The following LMX1A variants were observed in gnomAD, a reference collection of about 807,000 sequenced individuals.
The protein encoded by LMX1A is LIM homeobox transcription factor 1 alpha, also known as LIM homeobox transcription factor 1-alpha.
A neutral mutation model predicts 49.1 loss-of-function variants in LMX1A; 15 were observed. The observed-to-expected ratio is 0.31, with a 90% CI of 0.20 to 0.47. The LOEUF (loss-of-function observed/expected upper bound fraction) is 0.47. Ranked by LOEUF, LMX1A falls within the 20% of genes least tolerant of loss-of-function variation. The pLI, the probability that LMX1A is intolerant of heterozygous loss-of-function variation, is 1.00. For missense variants in LMX1A, 372 were observed against 475.8 expected, an observed-to-expected ratio of 0.78 and a Z score of 2.03; for synonymous variants, 167 against 185.7, an observed-to-expected ratio of 0.90 and a Z score of 0.82.
chr1:165,216,822 G>T (rs183360675), intron 4 of LMX1A, among the ~76,000 whole-genome samples: 1 of 152,100 alleles, frequency 6.6e-6, no homozygotes, highest in Admixed American at 6.5e-5. Flanking sequence ...GGCCTTTAGC[G>T]TTATATAAAT....
intron 3 of LMX1A, among the ~76,000 whole-genome samples, chr1:165,308,645 C>T (rs1217566088): frequency 6.6e-6 from 1 of 152,190 alleles, no homozygotes; most frequent in African/African-American, 2.4e-5. Context: ...ACTTTACAGG[C>T]AAGAAAATTG....
At chr1:165,260,229 G>A (rs1258078497) in intron 3 of LMX1A, among the ~76,000 whole-genome samples, 1 of 152,118 alleles carries the variant, frequency 6.6e-6, no homozygotes, top group African/African-American at 2.4e-5. Context: ...GGTATTTTTA[G>A]CTGATATTCT....
rs548375812 is a variant in LMX1A at position 165,349,739 on chromosome 1, C to G, written c.263+3337G>C. ...AGTTGTGTGTGCAAGACGTCACTGT[C>G]AATTCTATTTTTTTAATTAGAAAAA... is the stretch of plus-strand genomic sequence containing the variant. On this transcript the variant is annotated intron_variant, in intron 3 of 8. Coordinates refer to ENST00000342310, the MANE Select transcript of LMX1A (RefSeq NM_177398.4). Among the ~76,000 whole-genome samples, 65 of 152,228 alleles carry G rather than the reference C, an allele frequency of 4.3e-4. 1 individual carries two copies. The South Asian group carries it at 0.013, about 31-fold the overall frequency.
chr1:165,222,381 A>G (rs1265919393), intron 4 of LMX1A, among the ~76,000 whole-genome samples: 1 of 152,232 alleles, frequency 6.6e-6, no homozygotes, highest in Non-Finnish European at 1.5e-5. Context: ...CAAATGAATA[A>G]GGTTTGAGTG....
chr1:165,213,904 T>G (rs1651534573), intron 4 of LMX1A, 91 bp from the exon 5 acceptor site: 1 of 1,128,430 alleles, frequency 8.9e-7, no homozygotes, highest in Non-Finnish European at 1.3e-6. Context: ...AGGTCCACAT[T>G]TCCAGGATGG....
chr1:165,300,465 C>T (rs1466275382), intron 3 of LMX1A, among the ~76,000 whole-genome samples: 1 of 152,194 alleles, frequency 6.6e-6, no homozygotes, highest in Non-Finnish European at 1.5e-5. Context: ...TTTTCTTTCT[C>T]CCAAGCCTCC....
chr1:165,247,454 C>T (rs1360004353), intron 4 of LMX1A, among the ~76,000 whole-genome samples: 2 of 152,082 alleles, frequency 1.3e-5, no homozygotes, highest in South Asian at 2.1e-4. Flanking sequence ...TTAGAATGGG[C>T]CCAACTACCC....
At chr1:165,260,980 C>T (rs1214051227) in intron 3 of LMX1A, among the ~76,000 whole-genome samples, 1 of 152,154 alleles carries the variant, frequency 6.6e-6, no homozygotes, top group Non-Finnish European at 1.5e-5. Context: ...GGGTCAAATT[C>T]TGTGATCTTA....
At chr1:165,244,958 G>T (rs1652790587) in intron 4 of LMX1A, among the ~76,000 whole-genome samples, 3 of 152,004 alleles carry the variant, frequency 2.0e-5, no homozygotes, top group Non-Finnish European at 2.9e-5. Flanking sequence ...GGACAAAAAG[G>T]CTGGGTCACA....
chr1:165,271,500 A>AAC (rs761526126), intron 3 of LMX1A, among the ~76,000 whole-genome samples: 7 of 152,182 alleles, frequency 4.6e-5, no homozygotes, highest in Non-Finnish European at 7.4e-5. Context: ...CTAAACTCAT[A>AAC]TAGTTCACCT....
intron 3 of LMX1A, among the ~76,000 whole-genome samples, chr1:165,333,952 G>T (rs1469613446): frequency 6.6e-6 from 1 of 152,186 alleles, no homozygotes; most frequent in Admixed American, 6.5e-5. Flanking sequence ...CCTTTGCATA[G>T]AATGTCTCAT....
intron 3 of LMX1A, among the ~76,000 whole-genome samples, chr1:165,320,956 A>G (rs943269788): frequency 2.0e-5 from 3 of 152,214 alleles, no homozygotes; most frequent in Admixed American, 2.0e-4. Flanking sequence ...TTATAGTAGC[A>G]TTACTCATAG....
At chr1:165,315,783 A>G (rs1655203026) in intron 3 of LMX1A, among the ~76,000 whole-genome samples, 1 of 152,210 alleles carries the variant, frequency 6.6e-6, no homozygotes, top group African/African-American at 2.4e-5. Flanking sequence ...TGACGCATCA[A>G]ATACCTCTGC....
At chr1:165,276,285 CCTTGTCTG>C (rs1190078986) in intron 3 of LMX1A, among the ~76,000 whole-genome samples, 5 of 152,204 alleles carry the variant, frequency 3.3e-5, no homozygotes, top group Non-Finnish European at 7.3e-5. Flanking sequence ...ACAAGCTCCT[CCTTGTCTG>C]ATACTGAGAG....
rs559888585 is a variant in LMX1A, at chr1:165,203,592, A to G, written c.*288T>C. The G allele has an allele frequency of 1.7e-5, 4 of 242,354 alleles. No homozygotes were observed. The South Asian group carries it at 2.9e-4, about 18-fold the overall frequency. 15.0% of individuals were successfully genotyped at this position (242,354 alleles called of 1,614,324 possible). ...GGGAAGTTGTTAGGAGTCCCTAAGTATCTAGTTTGCATGAGAATGTCTATA... is the reference window on the plus strand; with the variant it reads ...GGGAAGTTGTTAGGAGTCCCTAAGTGTCTAGTTTGCATGAGAATGTCTATA... On this transcript the variant is annotated 3_prime_UTR_variant, in exon 9 of 9. Coordinates refer to ENST00000342310, the MANE Select transcript of LMX1A (RefSeq NM_177398.4).
chr1:165,237,951 C>T (rs1652515902), intron 4 of LMX1A, among the ~76,000 whole-genome samples: 1 of 152,154 alleles, frequency 6.6e-6, no homozygotes, highest in African/African-American at 2.4e-5. Context: ...CCTTATTACA[C>T]AATAGAAAGT....
intron 4 of LMX1A, among the ~76,000 whole-genome samples, chr1:165,214,137 T>C (rs950064896): frequency 1.3e-5 from 2 of 152,156 alleles, no homozygotes; most frequent in African/African-American, 4.8e-5. Context: ...TCTCCACGTG[T>C]TGATGGAGGG....
chr1:165,299,571 C>A (rs943229561), intron 3 of LMX1A, among the ~76,000 whole-genome samples: 1 of 152,122 alleles, frequency 6.6e-6, no homozygotes, highest in Non-Finnish European at 1.5e-5. Flanking sequence ...TAATGAATGG[C>A]TCATCCAATG....
At chr1:165,211,199 T>A (rs1651373134) in intron 5 of LMX1A, 1 of 153,102 alleles carries the variant, frequency 6.5e-6, no homozygotes, top group Non-Finnish European at 1.5e-5. Context: ...CTAAATTCAT[T>A]GACCTTAATT....
Sources: gnomAD v4.1 joint callset for allele counts (sites outside exome capture counted in the v4.1 genomes callset) on GRCh38, gnomAD v4.1.1 for gene constraint, MANE v1.5 for transcripts, NCBI Gene and HGNC (gene_info 2026-07-23, HGNC 2026-07-21) for gene names.